SZT2: variants seen among roughly 807,000 people sequenced by gnomAD.
SZT2 encodes SZT2 subunit of KICSTOR complex, also known as KICSTOR complex protein SZT2.
SZT2 carries 216 observed loss-of-function variants against 404.2 expected under a neutral mutation model. The ratio of observed to expected loss-of-function variants is 0.53; its 90% CI spans 0.48 to 0.60. The LOEUF (loss-of-function observed/expected upper bound fraction) is 0.60. Among genes scored for constraint, SZT2 ranks in the 20% least tolerant of loss-of-function variants. SZT2 has a pLI of 0.00. For missense variants in SZT2, 3,857 were observed against 4,459.2 expected (o/e 0.86, Z 3.85); for synonymous variants, 1,693 against 1,749.9 (o/e 0.97, Z 0.81).
At chr1:43,434,189 A>G (rs1476761551) in intron 40 of SZT2, among the ~76,000 whole-genome samples, 197 bp from the exon 41 acceptor site, 1 of 152,150 alleles carries the variant, frequency 6.6e-6, no homozygotes, top group Non-Finnish European at 1.5e-5. Flanking sequence ...GCTCTTGAGA[A>G]TTCCGTCTCT....
Position 43,442,749 on chromosome 1 carries a change from G to T in SZT2, c.8152-70G>T. On this transcript the variant is annotated intron_variant, in intron 58 of 71. Coordinates refer to ENST00000634258, the MANE Select transcript of SZT2 (RefSeq NM_001365999.1). This position sits in a 1 kb window ranked among gnomAD's most constrained non-coding sequence, Gnocchi z 4.5. ...AGTGGGGAGGGAGAGTCTGAGAGAG[G>T]AAGCCCTGGGATGAGAGAGAGGGTC... is the stretch of plus-strand genomic sequence containing the variant. The T allele has an allele frequency of 6.5e-7, 1 of 1,536,826 alleles. No individual in the cohort carries two copies. The highest frequency in any genetic ancestry group is 8.7e-7 in the Non-Finnish European group (1 of 1,143,200).
chr1:43,403,089 C>T, intron 1 of SZT2, 88 bp from the exon 2 acceptor site: 1 of 1,472,882 alleles, frequency 6.8e-7, no homozygotes, highest in South Asian at 1.3e-5. Context: ...TGGTGAGTTC[C>T]TTGGGCAAAT....
At position 43,448,305 on chromosome 1, in the gene SZT2, C is replaced by G. The variant is rs549850923; in HGVS notation, c.9790C>G (p.Gln3264Glu). ...GGGCATGGCACGAGCACGGCTGGCT[C>G]AGCTGGTGCGGCTGGCTGGAGGGCA... Reference protein sequence around the residue: ...EVGMARARLAQLVRLAGGHCR... With the variant: ...EVGMARARLAELVRLAGGHCR... The change falls in exon 69 of 72, where the codon CAG becomes GAG. Residue 3264 changes from glutamine to glutamate, a missense_variant. Gln to Glu is a conservative substitution (Grantham distance 29). This residue lies in a region of SZT2 where 717 missense variants were observed against 868.2 expected (regional missense o/e 0.83). Transcript: ENST00000634258. The surrounding 1 kb of genome is among the most constrained non-coding windows in gnomAD (Gnocchi z 4.2). The G allele has an allele frequency of 6.4e-7, 1 of 1,555,064 alleles. No homozygotes were observed. The highest frequency in any genetic ancestry group is 1.9e-5 in the Admixed American group (1 of 51,300).
chr1:43,427,332 C>T lies in SZT2; in HGVS notation c.3485C>T (p.Thr1162Ile). 1 of 1,613,918 alleles carries T rather than the reference C, an allele frequency of 6.2e-7. No individual in the cohort carries two copies. The highest frequency in any genetic ancestry group is 8.5e-7 in the Non-Finnish European group (1 of 1,179,936). The part of the protein sequence containing the change: ...CGLEGPPQEE[T>I]KPKFGDWSGA... The stretch of plus-strand genomic sequence containing the variant: ...CTGGAGGGACCCCCTCAAGAGGAGA[C>T]AAAGCCTAAGTTTGGGGATTGGAGT... The change falls in exon 25 of 72, where the codon ACA becomes ATA. Residue 1162 changes from threonine (T) to isoleucine (I), a missense_variant. Around this residue, in one of 7 missense-constraint regions of SZT2, gnomAD observed 1,725 missense variants for 1,881.0 expected, o/e 0.92. Coordinates refer to ENST00000634258, the MANE Select transcript of SZT2 (RefSeq NM_001365999.1).
chr1:43,431,066 C>T lies in SZT2; in HGVS notation c.4892C>T (p.Thr1631Met), dbSNP rs201312287. 2.3e-4 allele frequency: 376 copies of T among 1,613,896 alleles called. 2 individuals carry two copies. The highest frequency in any genetic ancestry group is 2.1e-3 in the Middle Eastern group (13 of 6,062). Reference sequence around the variant, plus strand: ...TTGCCCCTGGAAGTGGAGCTCCCCACGGCCTCGGACCCTCAGCACCACCGG... The same window carrying T: ...TTGCCCCTGGAAGTGGAGCTCCCCATGGCCTCGGACCCTCAGCACCACCGG... ...LTLPLEVELP[T>M]ASDPQHHRST... is the part of the protein sequence containing the mutation. Residue 1631 changes from threonine to methionine, a missense_variant, in exon 33 of 72, where the codon ACG becomes ATG. Physicochemically the swap from Thr to Met is moderately conservative, Grantham distance 81. Coordinates refer to ENST00000634258, the MANE Select transcript of SZT2 (RefSeq NM_001365999.1).
chr1:43,427,975 C>A, intron 26 of SZT2, 28 bp from the exon 27 acceptor site: 1 of 1,593,368 alleles, frequency 6.3e-7, no homozygotes, highest in Non-Finnish European at 8.6e-7. Flanking sequence ...GGGAGTTGGT[C>A]AAGTTCCATT....
chr1:43,429,964 G>T (rs1271943936), intron 29 of SZT2, 47 bp from the exon 30 acceptor site: 3 of 1,613,136 alleles, frequency 1.9e-6, no homozygotes, highest in African/African-American at 2.7e-5. Context: ...GTAGTATCCT[G>T]TTGAGGGGTG....
chr1:43,431,010 C>G lies in SZT2; in HGVS notation c.4836C>G (p.Leu1612=). 6.2e-7 allele frequency: 1 copy of G among 1,614,222 alleles called. No homozygotes were observed. Among genetic ancestry groups the G allele is most frequent in the Non-Finnish European group, 8.5e-7 (1 of 1,180,042 alleles). The change falls in exon 33 of 72, where the codon CTC becomes CTG. Residue 1612 remains leucine (L), a synonymous_variant. Coordinates refer to ENST00000634258, the MANE Select transcript of SZT2 (RefSeq NM_001365999.1). ...PVGGRVPLRD[L]SVTLDVFMLT... is the part of the protein sequence containing the mutation. ...GAGGCCGAGTTCCCTTGAGGGACCT[C>G]AGTGTGACTCTGGATGTCTTCATGC...
chr1:43,424,391 G>C lies in SZT2; in HGVS notation c.2430G>C (p.Leu810=). Residue 810 remains leucine (L), a synonymous_variant, in exon 16 of 72, where the codon CTG becomes CTC. Coordinates refer to ENST00000634258, the MANE Select transcript of SZT2 (RefSeq NM_001365999.1). The surrounding 1 kb of genome is among the most constrained non-coding windows in gnomAD (Gnocchi z 4.1). ...TCCCGTCAGGACTGGCCCCTGCGCTGCCTCTCAGTGCCATTGCCCAGCTCC... is the reference window on the plus strand; with the variant it reads ...TCCCGTCAGGACTGGCCCCTGCGCTCCCTCTCAGTGCCATTGCCCAGCTCC... ...WSVPSGLAPA[L]PLSAIAQLLS... 1 of 1,597,998 alleles carries C rather than the reference G, an allele frequency of 6.3e-7. No homozygotes were observed. Among genetic ancestry groups the C allele is most frequent in the Non-Finnish European group, 8.5e-7 (1 of 1,179,582 alleles).
At chr1:43,417,093 A>G (rs1651801861) in intron 7 of SZT2, among the ~76,000 whole-genome samples, 1 of 152,216 alleles carries the variant, frequency 6.6e-6, no homozygotes, top group African/African-American at 2.4e-5. Flanking sequence ...GAACATGAAA[A>G]TCTGGTTCTG....
At chr1:43,418,881 G>A (rs1043355980) in intron 7 of SZT2, among the ~76,000 whole-genome samples, 2 of 152,192 alleles carry the variant, frequency 1.3e-5, no homozygotes, top group African/African-American at 4.8e-5. Context: ...AGGGAATAGT[G>A]TTGTATGTAA....
At position 43,427,304 on chromosome 1, in the gene SZT2, G is replaced by A. The variant is rs1653278889; in HGVS notation, c.3457G>A (p.Gly1153Ser). 3.7e-6 allele frequency: 6 copies of A among 1,612,172 alleles called. No individual in the cohort carries two copies. The East Asian group carries it at 1.3e-4, about 36-fold the overall frequency. Residue 1153 changes from glycine to serine, a missense_variant, in exon 25 of 72, where the codon GGC (glycine) becomes AGC (serine). Gly to Ser is a moderately conservative substitution (Grantham distance 56). Coordinates refer to ENST00000634258, the MANE Select transcript of SZT2 (RefSeq NM_001365999.1). ...FSDVQRLAACGLEGPPQEETK... is the reference protein window; with the variant it reads ...FSDVQRLAACSLEGPPQEETK... ...AGATGTCCAGCGTCTGGCTGCCTGTGGCCTGGAGGGACCCCCTCAAGAGGA... is the reference window on the plus strand; with the variant it reads ...AGATGTCCAGCGTCTGGCTGCCTGTAGCCTGGAGGGACCCCCTCAAGAGGA...
At chr1:43,431,620 C>G in intron 35 of SZT2, 96 bp from the exon 36 acceptor site, 3 of 1,599,614 alleles carry the variant, frequency 1.9e-6, no homozygotes, top group Non-Finnish European at 2.6e-6. Context: ...TGAGGCCTCT[C>G]TCAGTCTGTG....
At chr1:43,400,284 G>C (rs577068957) in intron 1 of SZT2, among the ~76,000 whole-genome samples, 4 of 152,264 alleles carry the variant, frequency 2.6e-5, no homozygotes, top group African/African-American at 9.6e-5. Context: ...TAATACGCAA[G>C]TGCAACATAT....
chr1:43,442,661 G>T lies in SZT2; in HGVS notation c.8151+43G>T, dbSNP rs747216646. On this transcript the variant is annotated intron_variant, in intron 58 of 71. Coordinates refer to ENST00000634258, the MANE Select transcript of SZT2 (RefSeq NM_001365999.1). The surrounding 1 kb of genome is among the most constrained non-coding windows in gnomAD (Gnocchi z 4.5). ...TCTTCCTATAGTTTTGGCTACTGAG[G>T]GGTCAGTTAAAGGAAAAACCAGCTC... 3.2e-6 allele frequency: 5 copies of T among 1,553,908 alleles called. No homozygotes were observed. In the South Asian group the frequency reaches 4.8e-5, roughly 15 times the overall value.
At position 43,442,238 on chromosome 1, in the gene SZT2, C is replaced by A; in HGVS notation, c.7874-30C>A. ...GGATCAAGGGGGATCTGTTCCCAGGCCCCTATTGTGCCCCTCCCCCACCCT... is the reference window on the plus strand; with the variant it reads ...GGATCAAGGGGGATCTGTTCCCAGGACCCTATTGTGCCCCTCCCCCACCCT... On this transcript the variant is annotated intron_variant, in intron 56 of 71. Transcript: ENST00000634258. The surrounding 1 kb of genome is among the most constrained non-coding windows in gnomAD (Gnocchi z 4.5). 6.2e-7 allele frequency: 1 copy of A among 1,605,682 alleles called. No individual in the cohort carries two copies. The highest frequency in any genetic ancestry group is 1.7e-5 in the Admixed American group (1 of 59,362).
intron 30 of SZT2, 43 bp from the exon 31 acceptor site, chr1:43,430,268 G>C: frequency 6.2e-7 from 1 of 1,609,084 alleles, no homozygotes; most frequent in Non-Finnish European, 8.5e-7. Context: ...GATGAGGCAA[G>C]TGGGATTCTT....
Position 43,450,078 on chromosome 1 carries a change from G to A in SZT2, c.10087-25G>A, listed in dbSNP as rs1260016692. ...CTGTGGGAGGGTCTGTAGGGTCTGT[G>A]TCCCCTCCTCATCTTTCACTGCAGG... On this transcript the variant is annotated intron_variant, in intron 70 of 71. Transcript: ENST00000634258. This position sits in a 1 kb window ranked among gnomAD's most constrained non-coding sequence, Gnocchi z 4.3. 1.9e-6 allele frequency: 3 copies of A among 1,613,938 alleles called. No individual in the cohort carries two copies. The South Asian group carries it at 3.3e-5, about 18-fold the overall frequency.
intron 1 of SZT2, among the ~76,000 whole-genome samples, chr1:43,397,819 A>G (rs1325641042): frequency 7.2e-5 from 11 of 152,212 alleles, no homozygotes; most frequent in African/African-American, 2.2e-4. Flanking sequence ...GTGAGCCACT[A>G]CGCCCGGCCC....
Sources: gnomAD v4.1 joint callset for allele counts (sites outside exome capture counted in the v4.1 genomes callset) on GRCh38, gnomAD v4.1.1 for gene constraint, gnomAD v4.1.1 regional missense constraint, Gnocchi (gnomAD v3.1) non-coding constraint, MANE v1.5 for transcripts, NCBI Gene and HGNC (gene_info 2026-07-23, HGNC 2026-07-21) for gene names.